The following CRISPLD2 variants were observed in gnomAD, a reference collection of about 807,000 sequenced individuals.
CRISPLD2 encodes cysteine rich secretory protein LCCL domain containing 2.
Under a neutral mutation model 71.1 loss-of-function variants are expected in CRISPLD2, and 47 were observed. The observed-to-expected ratio is 0.66, with a 90% CI of 0.52 to 0.84. The LOEUF (loss-of-function observed/expected upper bound fraction) is 0.84. Ranked by LOEUF, CRISPLD2 falls within the 40% of genes least tolerant of loss-of-function variation. The pLI is 0.00. For missense variants in CRISPLD2, 830 were observed against 651.1 expected (o/e 1.27, Z -2.99); for synonymous variants, 317 against 250.1 (o/e 1.27, Z -2.52).
At chr16:84,872,798 G>A (rs529520154) in intron 9 of CRISPLD2, among the ~76,000 whole-genome samples, 194 bp from the exon 10 acceptor site, 1 of 152,316 alleles carries the variant, frequency 6.6e-6, no homozygotes, top group East Asian at 1.9e-4. Context: ...AAGCAACTCA[G>A]ATGAGTTTTT....
chr16:84,872,763 T>C (rs1597470910), intron 9 of CRISPLD2, among the ~76,000 whole-genome samples: 1 of 152,232 alleles, frequency 6.6e-6, no homozygotes, highest in South Asian at 2.1e-4. Context: ...GAGAAAGGGA[T>C]GTTTGTCACT....
chr16:84,874,057 A>T (rs2071498505), intron 11 of CRISPLD2, 94 bp downstream of exon 11: 1 of 1,142,586 alleles, frequency 8.8e-7, no homozygotes, highest in Non-Finnish European at 1.3e-6. Flanking sequence ...TTTAATGTTT[A>T]TCATGCGTGT....
chr16:84,905,930 G>A (rs542534477), intron 14 of CRISPLD2, among the ~76,000 whole-genome samples: 5 of 151,908 alleles, frequency 3.3e-5, no homozygotes, highest in East Asian at 1.9e-4. Context: ...GGCTGGTCTC[G>A]AACTCCTGAC....
At chr16:84,875,723 A>ATT (rs35350672) in intron 11 of CRISPLD2, among the ~76,000 whole-genome samples, 3 of 128,860 alleles carry the variant, frequency 2.3e-5, no homozygotes, top group African/African-American at 2.8e-5. Flanking sequence ...TGTCCAGCTA[A>ATT]TTTTTTTTTT....
rs765517674 is a variant in CRISPLD2 at position 84,850,263 on chromosome 16, G to GT, written c.493-298dup. Among the ~76,000 whole-genome samples the GT allele has an allele frequency of 3.9e-5, 6 of 151,952 alleles. No individual in the cohort carries two copies. The East Asian group carries it at 9.7e-4, about 25-fold the overall frequency. On this transcript the variant is annotated intron_variant, in intron 4 of 14. Coordinates refer to ENST00000262424, the MANE Select transcript of CRISPLD2 (RefSeq NM_031476.4). ...CTGCCACCACGCCCGGCTAATTTTTGTTTTTTTAGTAGAGATGGGGTTTCA... is the reference window on the plus strand; with the variant it reads ...CTGCCACCACGCCCGGCTAATTTTTGTTTTTTTTAGTAGAGATGGGGTTTCA...
At chr16:84,899,418 C>A (rs2071733879) in intron 14 of CRISPLD2, among the ~76,000 whole-genome samples, 1 of 152,186 alleles carries the variant, frequency 6.6e-6, no homozygotes, top group African/African-American at 2.4e-5. Flanking sequence ...TATCAAGCCA[C>A]ACTCGTTATT....
chr16:84,833,704 G>C, intron 1 of CRISPLD2, among the ~76,000 whole-genome samples: 1 of 152,328 alleles, frequency 6.6e-6, no homozygotes, highest in East Asian at 1.9e-4. Context: ...TCAAAGGCGA[G>C]TGGGCAGCAC....
chr16:84,839,144 C>G (rs1400477048), intron 2 of CRISPLD2: 1 of 361,264 alleles, frequency 2.8e-6, no homozygotes, highest in African/African-American at 2.1e-5. Context: ...GCCTCAGCCT[C>G]TCAAAGTGCT....
intron 1 of CRISPLD2, among the ~76,000 whole-genome samples, chr16:84,826,702 G>A (rs1916360767): frequency 6.6e-6 from 1 of 152,254 alleles, no homozygotes; most frequent in Non-Finnish European, 1.5e-5. Context: ...GCAGGACAAA[G>A]TGCTCTCTCA....
At chr16:84,830,247 G>A (rs1432972901) in intron 1 of CRISPLD2, among the ~76,000 whole-genome samples, 1 of 152,156 alleles carries the variant, frequency 6.6e-6, no homozygotes, top group African/African-American at 2.4e-5. Context: ...ATTTGAGCCT[G>A]GGAGGTTGAG....
At chr16:84,854,602 C>A (rs890671473) in intron 5 of CRISPLD2, 127 bp from the exon 6 acceptor site, 4 of 715,766 alleles carry the variant, frequency 5.6e-6, no homozygotes, top group Admixed American at 4.1e-5. Flanking sequence ...CTTCCCACAG[C>A]ACACAACCTT....
intron 3 of CRISPLD2, 199 bp from the exon 4 acceptor site, chr16:84,849,186 G>A: frequency 7.1e-6 from 4 of 564,856 alleles, no homozygotes; most frequent in Middle Eastern, 4.8e-4. Context: ...CCTCCTCGCT[G>A]CCCGTGGCTG....
intron 13 of CRISPLD2, among the ~76,000 whole-genome samples, chr16:84,881,472 A>T (rs2071568023): frequency 1.3e-5 from 2 of 152,148 alleles, no homozygotes; most frequent in Non-Finnish European, 2.9e-5. Flanking sequence ...GGTGACCCAG[A>T]CAATGTGACT....
At chr16:84,824,899 T>A (rs1031650653) in intron 1 of CRISPLD2, among the ~76,000 whole-genome samples, 2 of 148,912 alleles carry the variant, frequency 1.3e-5, no homozygotes, top group Non-Finnish European at 3.0e-5. Context: ...AGGTCAGGAG[T>A]TTGAGACCAG....
intron 14 of CRISPLD2, among the ~76,000 whole-genome samples, chr16:84,894,310 T>A (rs557441109): frequency 1.4e-4 from 21 of 152,358 alleles, no homozygotes; most frequent in Non-Finnish European, 3.1e-4. Context: ...GTTCAGAATT[T>A]TTCTTAGACC....
chr16:84,899,006 C>G (rs2071730363), intron 14 of CRISPLD2, among the ~76,000 whole-genome samples: 1 of 152,168 alleles, frequency 6.6e-6, no homozygotes, highest in Admixed American at 6.6e-5. Context: ...AATCCTCCCA[C>G]CTCAGCCTCC....
At chr16:84,906,251 G>T (rs569022043) in intron 14 of CRISPLD2, among the ~76,000 whole-genome samples, 11 of 152,124 alleles carry the variant, frequency 7.2e-5, no homozygotes, top group East Asian at 1.9e-4. Flanking sequence ...ACCACTGTTC[G>T]GGTTGACAGG....
At chr16:84,879,829 G>T (rs182645858) in intron 12 of CRISPLD2, among the ~76,000 whole-genome samples, 24 of 152,120 alleles carry the variant, frequency 1.6e-4, no homozygotes, top group African/African-American at 5.6e-4. Context: ...TGCCATTTTG[G>T]TTTCTTGGTC....
chr16:84,905,344 G>T (rs1252643311), intron 14 of CRISPLD2, among the ~76,000 whole-genome samples: 1 of 152,044 alleles, frequency 6.6e-6, no homozygotes, highest in Non-Finnish European at 1.5e-5. Flanking sequence ...CCATTGAATT[G>T]TACACTTAGA....
Sources: allele counts gnomAD v4.1 joint callset (sites outside exome capture counted in the v4.1 genomes callset), GRCh38; gene constraint gnomAD v4.1.1; transcripts MANE v1.5; gene names NCBI Gene and HGNC (gene_info 2026-07-23, HGNC 2026-07-21).